The following FMN1 variants were observed in gnomAD, a reference collection of about 807,000 sequenced individuals.
FMN1 encodes the protein formin-1.
Under a neutral mutation model 132.4 loss-of-function variants are expected in FMN1, and 110 were observed. That is an observed-to-expected ratio of 0.83 (90% CI 0.71 to 0.97). FMN1 has a LOEUF of 0.97. Ranked by LOEUF, FMN1 falls within the 50% of genes least tolerant of loss-of-function variation. FMN1 has a pLI of 0.00. For synonymous variants in FMN1, 722 were observed against 651.7 expected (o/e 1.11, Z -1.64); for missense variants, 1,792 against 1,705.3 (o/e 1.05, Z -0.90).
chr15:32,835,434 T>G (rs1236463442), intron 17 of FMN1, among the ~76,000 whole-genome samples: 4 of 152,180 alleles, frequency 2.6e-5, no homozygotes, highest in Admixed American at 2.6e-4. Context: ...TACTGGATAT[T>G]CTTTGAGGAA....
chr15:32,836,551 G>C (rs190851501), intron 17 of FMN1, among the ~76,000 whole-genome samples: 1 of 152,040 alleles, frequency 6.6e-6, no homozygotes, highest in East Asian at 1.9e-4. Flanking sequence ...CCCCAGAACC[G>C]AGGCCTTCAT....
intron 19 of FMN1, among the ~76,000 whole-genome samples, chr15:32,797,445 C>T (rs1431272808): frequency 1.3e-5 from 2 of 152,148 alleles, no homozygotes. Context: ...ATAGTATTTT[C>T]GTATGAGAAT....
At chr15:32,825,863 T>C (rs565507720) in intron 17 of FMN1, among the ~76,000 whole-genome samples, 1 of 152,350 alleles carries the variant, frequency 6.6e-6, no homozygotes, top group East Asian at 1.9e-4. Flanking sequence ...TCTGACACAC[T>C]GTGGGCCTAT....
chr15:33,049,654 T>C (rs2036874583), intron 6 of FMN1, among the ~76,000 whole-genome samples: 1 of 152,228 alleles, frequency 6.6e-6, no homozygotes, highest in South Asian at 2.1e-4. Context: ...TTTCTATACA[T>C]CGTGAACTAT....
rs184264687 is a variant in FMN1, at chr15:32,980,432, T to C, written c.2224-10955A>G. On this transcript the variant is annotated intron_variant, in intron 7 of 20. Coordinates refer to ENST00000616417, the MANE Select transcript of FMN1 (RefSeq NM_001277313.2). The stretch of plus-strand genomic sequence containing the variant: ...TTTTATTTTCTTTACAAACCAGGTT[T>C]TCTAGGGATCCAAAGAGGTGCTTCA... Among the ~76,000 whole-genome samples, 494 of 152,320 alleles carry C rather than the reference T, an allele frequency of 3.2e-3. 9 individuals are homozygous for C. Among genetic ancestry groups the C allele is most frequent in the Admixed American group, 0.024 (360 of 15,304 alleles).
rs2060074696 is a variant in FMN1 at position 32,893,224 on chromosome 15, C to T, written c.3715-4932G>A. Among the ~76,000 whole-genome samples, 2 of 152,208 alleles carry T rather than the reference C, an allele frequency of 1.3e-5. 1 individual carries two copies. Among genetic ancestry groups the T allele is most frequent in the South Asian group, 4.2e-4 (2 of 4,818 alleles). On this transcript the variant is annotated intron_variant, in intron 15 of 20. Coordinates refer to ENST00000616417, the MANE Select transcript of FMN1 (RefSeq NM_001277313.2). The stretch of plus-strand genomic sequence containing the variant: ...TTATTTTACTACTTTAAAATGGAAG[C>T]AGTACTCTCATCTGAGTGCCAAGAT...
At chr15:33,160,536 A>G (rs1403264701) in intron 3 of FMN1, among the ~76,000 whole-genome samples, 2 of 152,098 alleles carry the variant, frequency 1.3e-5, no homozygotes, top group African/African-American at 2.4e-5. Flanking sequence ...ACCAGAGGAA[A>G]AAGAGCAGTA....
rs376406615 is a variant in FMN1, at chr15:32,849,871, G to C, written c.3928+7144C>G. Among the ~76,000 whole-genome samples the C allele has an allele frequency of 2.8e-3, 419 of 152,216 alleles. 1 individual carries two copies. Among genetic ancestry groups the C allele is most frequent in the African/African-American group, 9.6e-3 (397 of 41,538 alleles). On this transcript the variant is annotated intron_variant, in intron 17 of 20. Transcript: ENST00000616417. ...GGGGTTTCGCCATGTTGGCCAGGCTGGTCTCAAACTCCTGACCTCAGGTGA... is the reference window on the plus strand; with the variant it reads ...GGGGTTTCGCCATGTTGGCCAGGCTCGTCTCAAACTCCTGACCTCAGGTGA...
chr15:32,804,394 C>G (rs911351658), intron 17 of FMN1, 62 bp from the exon 18 acceptor site: 2 of 814,582 alleles, frequency 2.5e-6, no homozygotes, highest in Admixed American at 2.6e-5. Flanking sequence ...CGTAATCTTA[C>G]AGCTTCAATT....
intron 17 of FMN1, among the ~76,000 whole-genome samples, chr15:32,851,446 A>G (rs919601983): frequency 6.6e-6 from 1 of 152,230 alleles, no homozygotes; most frequent in African/African-American, 2.4e-5. Flanking sequence ...TTTGAAGGCC[A>G]TATCATTATG....
intron 10 of FMN1, among the ~76,000 whole-genome samples, chr15:32,913,183 C>T (rs549477652): frequency 1.3e-5 from 2 of 152,186 alleles, no homozygotes; most frequent in African/African-American, 4.8e-5. Context: ...CAGGAAAGGT[C>T]TATGACACAG....
chr15:32,774,239 C>A lies in FMN1; in HGVS notation c.*71G>T. The A allele has an allele frequency of 2.5e-6, 3 of 1,193,356 alleles. No individual in the cohort carries two copies. The highest frequency in any genetic ancestry group is 2.4e-5 in the East Asian group (1 of 41,120). 73.9% of individuals were successfully genotyped at this position (1,193,356 alleles called of 1,614,324 possible). A position where few individuals can be genotyped will look rare whatever the true frequency, so the allele number is the denominator to read the frequency against. ...CACATCTTTCAAGAACGTCCTGCAA[C>A]CCTGTGGTCACAAAGAGTATGCGTG... On this transcript the variant is annotated 3_prime_UTR_variant, in exon 21 of 21. Coordinates refer to ENST00000616417, the MANE Select transcript of FMN1 (RefSeq NM_001277313.2).
intron 7 of FMN1, among the ~76,000 whole-genome samples, chr15:33,000,274 C>A (rs1596442493): frequency 6.6e-6 from 1 of 152,088 alleles, no homozygotes; most frequent in South Asian, 2.1e-4. Context: ...ACGGTGAAAT[C>A]CCGTCTCTAC....
chr15:32,865,504 A>G (rs2059371414), intron 16 of FMN1, among the ~76,000 whole-genome samples: 1 of 152,242 alleles, frequency 6.6e-6, no homozygotes, highest in Admixed American at 6.5e-5. Flanking sequence ...AATTAAACAT[A>G]TTAGTCAATC....
rs149169660 is a variant in FMN1, at chr15:33,111,759, A to C, written c.1868-22785T>G. Among the ~76,000 whole-genome samples, 491 of 149,674 alleles carry C rather than the reference A, an allele frequency of 3.3e-3. 2 individuals are homozygous for C. The highest frequency in any genetic ancestry group is 0.011 in the African/African-American group (440 of 39,248). ...CAGGCAAATCTACGGAGGCAGAAAG[A>C]AGCTCAGTGATAACTTGGGCTGGAC... On this transcript the variant is annotated intron_variant, in intron 4 of 20. Transcript: ENST00000616417.
intron 16 of FMN1, among the ~76,000 whole-genome samples, chr15:32,874,017 G>GTTTTTTTTTTTTT (rs962842419): frequency 8.7e-6 from 1 of 115,104 alleles, no homozygotes; most frequent in African/African-American, 3.4e-5. Context: ...TATTTTAGTT[G>GTTTTTTTTTTTTT]TTTTTTTTTT....
rs575839693 is a variant in FMN1, at chr15:33,090,031, T to C, written c.1868-1057A>G. 1.2e-3 allele frequency among the ~76,000 whole-genome samples: 179 copies of C among 152,346 alleles called. 1 individual carries two copies. Among genetic ancestry groups the C allele is most frequent in the African/African-American group, 4.2e-3 (173 of 41,576 alleles). On this transcript the variant is annotated intron_variant, in intron 4 of 20. Coordinates refer to ENST00000616417, the MANE Select transcript of FMN1 (RefSeq NM_001277313.2). Reference sequence around the variant, plus strand: ...CATTTAAAGGGACATCTGCTAAACATGTCGCAAGCCACTTAATGTTGTACT... The same window carrying C: ...CATTTAAAGGGACATCTGCTAAACACGTCGCAAGCCACTTAATGTTGTACT...
At position 32,812,068 on chromosome 15, in the gene FMN1, C is replaced by T. The variant is rs116003931; in HGVS notation, c.3929-7736G>A. ...CAAACAAAACCACGAAATGGTATCACCTAACTTGGGCACCTGGGGCTGTTC... is the reference window on the plus strand; with the variant it reads ...CAAACAAAACCACGAAATGGTATCATCTAACTTGGGCACCTGGGGCTGTTC... On this transcript the variant is annotated intron_variant, in intron 17 of 20. Coordinates refer to ENST00000616417, the MANE Select transcript of FMN1 (RefSeq NM_001277313.2). 8.8e-3 allele frequency among the ~76,000 whole-genome samples: 1,340 copies of T among 152,140 alleles called. 17 individuals are homozygous for T. The highest frequency in any genetic ancestry group is 0.031 in the African/African-American group (1,272 of 41,494).
chr15:33,156,802 A>G (rs1964689464), intron 3 of FMN1, among the ~76,000 whole-genome samples: 1 of 152,198 alleles, frequency 6.6e-6, no homozygotes, highest in South Asian at 2.1e-4. Context: ...TAGGAGTTCA[A>G]TTAATGAATT....
Sources: gnomAD v4.1 joint callset for allele counts (sites outside exome capture counted in the v4.1 genomes callset) on GRCh38, gnomAD v4.1.1 for gene constraint, MANE v1.5 for transcripts, NCBI Gene and HGNC (gene_info 2026-07-23, HGNC 2026-07-21) for gene names.